The following RUSF1 variants were observed in gnomAD, a reference collection of about 807,000 sequenced individuals.
The protein encoded by RUSF1 is RUS family member 1.
A neutral mutation model predicts 63.0 loss-of-function variants in RUSF1; 58 were observed. That is an observed-to-expected ratio of 0.92 (90% CI 0.75 to 1.15). The LOEUF is 1.15. Among genes scored for constraint, RUSF1 ranks in the 50% most tolerant of loss-of-function variants. The probability of loss-of-function intolerance (pLI) is 0.00; values close to 1 mark genes in which losing one functional copy is unlikely to be tolerated. For synonymous variants in RUSF1, 274 were observed against 255.8 expected, an observed-to-expected ratio of 1.07 and a Z score of -0.68; for missense variants, 652 against 611.0, an observed-to-expected ratio of 1.07 and a Z score of -0.71.
In RUSF1 at chr16:31,490,233, A is replaced by G; in HGVS notation, c.*602T>C. 1 of 1,614,140 alleles carries G rather than the reference A, an allele frequency of 6.2e-7. No homozygotes were observed. The highest frequency in any genetic ancestry group is 8.5e-7 in the Non-Finnish European group (1 of 1,180,004). Reference sequence around the variant, plus strand: ...AGAGAGTGCCATGGAGATGAATGGTAGGGCACCATGCTGGGAGGTGGGGCT... The same window carrying G: ...AGAGAGTGCCATGGAGATGAATGGTGGGGCACCATGCTGGGAGGTGGGGCT... On this transcript the variant is annotated 3_prime_UTR_variant, in exon 13 of 13. Transcript: ENST00000327237.
intron 1 of RUSF1, 43 bp from the exon 2 acceptor site, chr16:31,507,921 G>A (rs746070691): frequency 1.3e-6 from 2 of 1,545,180 alleles, no homozygotes; most frequent in South Asian, 1.2e-5. Context: ...GCGTAGGAGC[G>A]TGGCGGTCTA....
rs1026628781 is a variant in RUSF1, at chr16:31,498,460, G to A, written c.600+842C>T. On this transcript the variant is annotated intron_variant, in intron 5 of 12. Transcript: ENST00000327237. ...CACCCCAAATGCTAGTACTTATGGA[G>A]AAACACGGCCCTAACGTGATTTTAA... Among the ~76,000 whole-genome samples the A allele has an allele frequency of 7.2e-5, 11 of 152,172 alleles. No homozygotes were observed. In the East Asian group the frequency reaches 1.9e-3, roughly 27 times the overall value.
chr16:31,494,076 T>G, intron 6 of RUSF1, 140 bp from the exon 7 acceptor site: 1 of 931,992 alleles, frequency 1.1e-6, no homozygotes, highest in Non-Finnish European at 1.6e-6. Flanking sequence ...TTTTAGTTTT[T>G]GGTGGGTGAA....
At chr16:31,499,241 T>C (rs1425010214) in intron 5 of RUSF1, 61 bp downstream of exon 5, 14 of 1,436,392 alleles carry the variant, frequency 9.7e-6, no homozygotes, top group Non-Finnish European at 1.4e-5. Flanking sequence ...AGAGCCCAGG[T>C]AAACTCACAC....
At chr16:31,504,219 T>A (rs1487624360) in intron 2 of RUSF1, among the ~76,000 whole-genome samples, 3 of 151,808 alleles carry the variant, frequency 2.0e-5, no homozygotes. Flanking sequence ...TTTTTTCATA[T>A]CTTAAAGTGA....
At chr16:31,504,785 A>G (rs1353520638) in intron 2 of RUSF1, among the ~76,000 whole-genome samples, 5 of 152,182 alleles carry the variant, frequency 3.3e-5, no homozygotes, top group Non-Finnish European at 5.9e-5. Context: ...GTACTAAGAA[A>G]ATTGTTTTGC....
In RUSF1 at chr16:31,508,359, C is replaced by A. The variant is rs773748999; in HGVS notation, c.15G>T (p.Ala5=). The change falls in exon 1 of 13, where the codon GCG becomes GCT. Residue 5 remains alanine, a synonymous_variant. Coordinates refer to ENST00000327237, the MANE Select transcript of RUSF1 (RefSeq NM_022744.4). MADD[A]GLETPLCSEQ... The stretch of plus-strand genomic sequence containing the variant: ...CGGAACACAGCGGGGTCTCCAAACC[C>A]GCGTCGTCAGCCATGCCGAGCTTTT... The A allele has an allele frequency of 5.9e-6, 9 of 1,520,614 alleles. No homozygotes were observed. Among genetic ancestry groups the A allele is most frequent in the Admixed American group, 2.4e-5 (1 of 42,446 alleles). The allele number at this position is 1,520,614 out of a possible 1,614,324, so 94.2% of individuals were successfully genotyped here. A position where few individuals can be genotyped will look rare whatever the true frequency, so the allele number is the denominator to read the frequency against.
intron 5 of RUSF1, among the ~76,000 whole-genome samples, chr16:31,497,792 C>T (rs374527004): frequency 3.3e-5 from 5 of 152,294 alleles, no homozygotes; most frequent in African/African-American, 9.6e-5. Context: ...GCCAGAGGAA[C>T]GAGGGACAAA....
intron 2 of RUSF1, 114 bp downstream of exon 2, chr16:31,507,650 G>T: frequency 1.0e-6 from 1 of 956,172 alleles, no homozygotes; most frequent in Non-Finnish European, 1.6e-6. Context: ...TCACTGGGGA[G>T]ACCTGCCTGA....
At chr16:31,494,033 C>G in intron 6 of RUSF1, 97 bp from the exon 7 acceptor site, 13 of 1,287,784 alleles carry the variant, frequency 1.0e-5, no homozygotes, top group Non-Finnish European at 1.4e-5. Context: ...GCTCCACAAC[C>G]TCCCAGGGCT....
chr16:31,508,265 C>T lies in RUSF1; in HGVS notation c.109G>A (p.Gly37Arg), dbSNP rs773213374. Residue 37 changes from glycine (G) to arginine (R), a missense_variant, in exon 1 of 13, where the codon GGG becomes AGG. Gly to Arg is a moderately radical substitution (Grantham distance 125, BLOSUM62 -2). Transcript: ENST00000327237. Reference sequence around the variant, plus strand: ...GAGAGCCCCCACCAGCGCCAGCCCCCGACCTCCCACTGCAGGCTCCCGTCC... The same window carrying T: ...GAGAGCCCCCACCAGCGCCAGCCCCTGACCTCCCACTGCAGGCTCCCGTCC... The part of the protein sequence containing the change: ...AADGSLQWEV[G>R]GWRWWGLSRA... 3.2e-6 allele frequency: 5 copies of T among 1,567,020 alleles called. No homozygotes were observed. In the African/African-American group the frequency reaches 5.4e-5, roughly 17 times the overall value.
intron 6 of RUSF1, among the ~76,000 whole-genome samples, chr16:31,496,619 G>T (rs2082604385): frequency 6.6e-6 from 1 of 152,204 alleles, no homozygotes; most frequent in African/African-American, 2.4e-5. Context: ...GGTCTGAAGA[G>T]GGCAAGGCTG....
chr16:31,506,482 C>G (rs1304660650), intron 2 of RUSF1, among the ~76,000 whole-genome samples: 1 of 152,196 alleles, frequency 6.6e-6, no homozygotes, highest in Non-Finnish European at 1.5e-5. Context: ...CAAATGCATT[C>G]CAAAAATACG....
chr16:31,491,995 C>A lies in RUSF1; in HGVS notation c.1309+14G>T. 2 of 1,613,924 alleles carry A rather than the reference C, an allele frequency of 1.2e-6. No individual in the cohort carries two copies. Among genetic ancestry groups the A allele is most frequent in the Non-Finnish European group, 1.7e-6 (2 of 1,179,844 alleles). ...GCTTCAGGGGCCAAGCAGCCATGGG[C>A]TGAGGGATGTTACCTTTCAAGAACT... On this transcript the variant is annotated intron_variant, in intron 12 of 12. Coordinates refer to ENST00000327237, the MANE Select transcript of RUSF1 (RefSeq NM_022744.4).
Position 31,499,486 on chromosome 16 carries a change from T to G in RUSF1, c.494+7A>C, listed in dbSNP as rs1259229707. 3 of 980,350 alleles carry G rather than the reference T, an allele frequency of 3.1e-6. No homozygotes were observed. The highest frequency in any genetic ancestry group is 4.5e-6 in the Non-Finnish European group (3 of 665,666). 60.7% of individuals were successfully genotyped at this position (980,350 alleles called of 1,614,324 possible). ...GACTCCCCTCCCCCGTCCCCGCCCC[T>G]CCTCACCTCCACTGCTTGGCATTGC... is the stretch of plus-strand genomic sequence containing the variant. On this transcript the variant is annotated splice_region_variant and intron_variant, in intron 4 of 12. Transcript: ENST00000327237.
Position 31,490,024 on chromosome 16 carries a change from C to CGAGCACG in RUSF1, c.*810_*811insCGTGCTC. 2 of 1,586,206 alleles carry CGAGCACG rather than the reference C, an allele frequency of 1.3e-6. No individual in the cohort carries two copies. Among genetic ancestry groups the CGAGCACG allele is most frequent in the South Asian group, 2.3e-5 (2 of 88,574 alleles). On this transcript the variant is annotated 3_prime_UTR_variant, in exon 13 of 13. Transcript: ENST00000327237. ...CAGAGGTGGGTAGGGCAGGCAGTGA[C>CGAGCACG]GAGCTGGTGTGCAAGAGACTTTAGG... is the stretch of plus-strand genomic sequence containing the variant.
In RUSF1 at chr16:31,492,184, T is replaced by C; in HGVS notation, c.1231+13A>G. On this transcript the variant is annotated intron_variant, in intron 11 of 12. Coordinates refer to ENST00000327237, the MANE Select transcript of RUSF1 (RefSeq NM_022744.4). ...CCCTGAGGCATCAGCAGTCTAAATC[T>C]TGAGGCACTTACCTGCCCGCACCCG... 1 of 1,610,258 alleles carries C rather than the reference T, an allele frequency of 6.2e-7. No individual in the cohort carries two copies. The highest frequency in any genetic ancestry group is 1.1e-5 in the South Asian group (1 of 90,718).
Position 31,507,812 on chromosome 16 carries a change from T to C in RUSF1, c.367A>G (p.Asn123Asp). 6.3e-7 allele frequency: 1 copy of C among 1,579,446 alleles called. No homozygotes were observed. Among genetic ancestry groups the C allele is most frequent in the Non-Finnish European group, 8.6e-7 (1 of 1,162,280 alleles). ...GCAGCTGAAACAGTGGCTTTTGCGT[T>C]CCCCACCCCTATGCCCAGCAAGACT... is the stretch of plus-strand genomic sequence containing the variant. ...QAVLLGIGVGNAKATVSAATA... is the reference protein window; with the variant it reads ...QAVLLGIGVGDAKATVSAATA... The change falls in exon 2 of 13, where the codon AAC becomes GAC. Residue 123 changes from asparagine (N) to aspartate (D), a missense_variant. Transcript: ENST00000327237.
Position 31,493,696 on chromosome 16 carries a change from C to T in RUSF1, c.865G>A (p.Glu289Lys), listed in dbSNP as rs745382201. ...TTCAGGACCAGCCGGAGCCGGCCTT[C>T]GTTCAAGGTCTCCATGACCAGGGCT... ...VRALVMETLN[E>K]GRLRLVLKHY... The change falls in exon 8 of 13, where the codon GAA becomes AAA. Residue 289 changes from glutamate to lysine, a missense_variant. By Grantham distance (56) the Glu-to-Lys change is moderately conservative. Transcript: ENST00000327237. 35 of 1,614,128 alleles carry T rather than the reference C, an allele frequency of 2.2e-5. No homozygotes were observed. Among genetic ancestry groups the T allele is most frequent in the African/African-American group, 1.3e-4 (10 of 74,946 alleles).
Sources: gnomAD v4.1 joint callset for allele counts (sites outside exome capture counted in the v4.1 genomes callset) on GRCh38, gnomAD v4.1.1 for gene constraint, MANE v1.5 for transcripts, NCBI Gene and HGNC (gene_info 2026-07-23, HGNC 2026-07-21) for gene names.